GHR: variants seen among roughly 807,000 people sequenced by gnomAD.
GHR encodes GH receptor.
A neutral mutation model predicts 67.1 loss-of-function variants in GHR; 35 were observed. That is an observed-to-expected ratio of 0.52 (90% confidence interval 0.40 to 0.69). GHR has a LOEUF of 0.69. GHR is among the 30% of genes least tolerant of loss of function. The pLI is 0.00. For synonymous variants in GHR, 272 were observed against 269.1 expected, an observed-to-expected ratio of 1.01 and a Z score of -0.10; for missense variants, 792 against 764.6, an observed-to-expected ratio of 1.04 and a Z score of -0.42.
chr5:42,614,684 A>C (rs1212296663), intron 2 of GHR, among the ~76,000 whole-genome samples: 1 of 148,710 alleles, frequency 6.7e-6, no homozygotes, highest in Non-Finnish European at 1.5e-5. Flanking sequence ...TTTCTGAGTC[A>C]TTTAGTAAGA....
chr5:42,648,525 T>A (rs912333173), intron 3 of GHR, among the ~76,000 whole-genome samples: 2 of 152,182 alleles, frequency 1.3e-5, no homozygotes, highest in Admixed American at 6.5e-5. Flanking sequence ...TCTCTATTCC[T>A]GGCTTTTCTT....
At position 42,423,820 on chromosome 5, in the gene GHR, TGGCGGCGGCGGCTGCTGCTGAGCCCGGGC is replaced by T; in HGVS notation, c.-138_-110del. 1 of 164,376 alleles carries T rather than the reference TGGCGGCGGCGGCTGCTGCTGAGCCCGGGC, an allele frequency of 6.1e-6. No homozygotes were observed. Among genetic ancestry groups the T allele is most frequent in the Non-Finnish European group, 1.3e-5 (1 of 78,158 alleles). 10.2% of individuals were successfully genotyped at this position (164,376 alleles called of 1,614,324 possible). A position where few individuals can be genotyped will look rare whatever the true frequency, so the allele number is the denominator to read the frequency against. ...GCAGCAGCAGCTGCTACAGTGGCGGTGGCGGCGGCGGCTGCTGCTGAGCCCGGGCGGCGGCGGGGACCCCGGGCTGGGGC... is the reference window on the plus strand; with the variant it reads ...GCAGCAGCAGCTGCTACAGTGGCGGTGGCGGCGGGGACCCCGGGCTGGGGC... On this transcript the variant is annotated 5_prime_UTR_variant, in exon 1 of 10. It removes the in-frame stop codon of an upstream open reading frame in the 5' UTR. Transcript: ENST00000230882.
rs377674746 is a variant in GHR, at chr5:42,478,558, C to G, written c.-12+54603C>G. On this transcript the variant is annotated intron_variant, in intron 1 of 9. Transcript: ENST00000230882. ...ATTTGTTTGTATCCTCTTTTATTTC[C>G]TTGAGCAGTGGTTTGTAGTTCTCCT... Among the ~76,000 whole-genome samples the G allele has an allele frequency of 1.2e-3, 184 of 152,126 alleles. 1 individual carries two copies. The highest frequency in any genetic ancestry group is 4.4e-3 in the African/African-American group (182 of 41,482).
intron 2 of GHR, among the ~76,000 whole-genome samples, chr5:42,597,452 T>C (rs1752131879): frequency 6.6e-6 from 1 of 152,100 alleles, no homozygotes; most frequent in Admixed American, 6.6e-5. Flanking sequence ...TGCCCATAGG[T>C]GGATCCAGTA....
chr5:42,595,624 GA>G (rs2112611565), intron 2 of GHR, among the ~76,000 whole-genome samples: 1 of 152,356 alleles, frequency 6.6e-6, no homozygotes, highest in Admixed American at 6.5e-5. Context: ...GGGGATGAAT[GA>G]ATAAGTGAGA....
chr5:42,584,428 G>A (rs1214844900), intron 2 of GHR, among the ~76,000 whole-genome samples: 2 of 152,122 alleles, frequency 1.3e-5, no homozygotes, highest in African/African-American at 4.8e-5. Flanking sequence ...AGATTTCACA[G>A]GGCAGATGCC....
intron 1 of GHR, among the ~76,000 whole-genome samples, chr5:42,514,584 G>T (rs939088407): frequency 6.6e-6 from 1 of 152,162 alleles, no homozygotes; most frequent in African/African-American, 2.4e-5. Flanking sequence ...GACAATTGGG[G>T]CAGGGCCTAA....
chr5:42,614,559 A>ATTTTTTTTTTTTTTTT (rs553365880), intron 2 of GHR, among the ~76,000 whole-genome samples: 7 of 65,410 alleles, frequency 1.1e-4, no homozygotes, highest in Admixed American at 4.3e-4. Context: ...CATAGAGGAC[A>ATTTTTTTTTTTTTTTT]TTTTTTTTTT....
intron 2 of GHR, among the ~76,000 whole-genome samples, chr5:42,573,962 G>A (rs1049656371): frequency 1.6e-4 from 24 of 152,214 alleles, no homozygotes; most frequent in Admixed American, 1.4e-3. Flanking sequence ...CACCTTAGTG[G>A]GCACTGACTT....
chr5:42,686,349 G>GTGTA (rs1757140592), intron 3 of GHR, among the ~76,000 whole-genome samples: 1 of 43,436 alleles, frequency 2.3e-5, no homozygotes, highest in South Asian at 1.9e-3. Context: ...CTGTAGCCTT[G>GTGTA]TAGTATGAAG....
intron 6 of GHR, among the ~76,000 whole-genome samples, chr5:42,700,718 T>C (rs1757892341): frequency 6.6e-6 from 1 of 152,128 alleles, no homozygotes; most frequent in Admixed American, 6.5e-5. Flanking sequence ...AGCCAAGCAG[T>C]TTCTGGCCAC....
At chr5:42,433,356 G>GT (rs796595628) in intron 1 of GHR, among the ~76,000 whole-genome samples, 166 of 151,786 alleles carry the variant, frequency 1.1e-3, no homozygotes, top group African/African-American at 3.5e-3. Context: ...GAATAAATAA[G>GT]TTTTTTTTTA....
chr5:42,508,475 T>G (rs1357463400), intron 1 of GHR, among the ~76,000 whole-genome samples: 1 of 152,206 alleles, frequency 6.6e-6, no homozygotes, highest in Non-Finnish European at 1.5e-5. Flanking sequence ...AAAGCAGGAT[T>G]GGTATGCTGT....
intron 3 of GHR, among the ~76,000 whole-genome samples, chr5:42,661,701 G>A (rs1027984540): frequency 7.2e-5 from 11 of 152,214 alleles, no homozygotes; most frequent in Admixed American, 2.6e-4. Flanking sequence ...ATCAACTAAC[G>A]AGTAAAATAA....
chr5:42,575,657 A>G (rs1285999813), intron 2 of GHR, among the ~76,000 whole-genome samples: 1 of 151,816 alleles, frequency 6.6e-6, no homozygotes, highest in Non-Finnish European at 1.5e-5. Context: ...AGCTGGCTCC[A>G]GCAGCCTGAG....
At chr5:42,440,671 G>A (rs1220846655) in intron 1 of GHR, among the ~76,000 whole-genome samples, 1 of 152,200 alleles carries the variant, frequency 6.6e-6, no homozygotes, top group Admixed American at 6.5e-5. Flanking sequence ...CATGAATGGA[G>A]GAGGATGGAA....
intron 5 of GHR, among the ~76,000 whole-genome samples, chr5:42,695,787 T>C (rs957873003): frequency 6.6e-6 from 1 of 152,200 alleles, no homozygotes; most frequent in African/African-American, 2.4e-5. Flanking sequence ...AAGAAGGACT[T>C]TGAGTAGCTG....
chr5:42,537,572 C>T (rs540595447), intron 1 of GHR, among the ~76,000 whole-genome samples: 1 of 152,102 alleles, frequency 6.6e-6, no homozygotes, highest in South Asian at 2.1e-4. Context: ...ATTTTATGGC[C>T]TATCATATGG....
chr5:42,713,478 A>G lies in GHR; in HGVS notation c.834A>G (p.Leu278=). The G allele has an allele frequency of 6.7e-7, 1 of 1,503,200 alleles. No homozygotes were observed. The highest frequency in any genetic ancestry group is 9.2e-7 in the Non-Finnish European group (1 of 1,082,242). The allele number at this position is 1,503,200 out of a possible 1,614,324, so 93.1% of individuals were successfully genotyped here. Residue 278 remains leucine (L), a synonymous_variant, in exon 8 of 10, where the codon CTA becomes CTG. Transcript: ENST00000230882. ...LLIIIFGIFG[L]TVMLFVFLFS... ...TTATTATCTTTGGAATATTTGGGCT[A>G]ACAGTGATGCTATTTGTATTCTTAT...
Sources: gnomAD v4.1 joint callset for allele counts (sites outside exome capture counted in the v4.1 genomes callset) on GRCh38, gnomAD v4.1.1 for gene constraint, MANE v1.5 for transcripts, NCBI Gene and HGNC (gene_info 2026-07-23, HGNC 2026-07-21) for gene names.